Variants in ZNF292 observed in about 807,000 individuals in gnomAD.
ZNF292 encodes the protein 16 zinc-finger domain protein.
Under a neutral mutation model 217.9 loss-of-function variants are expected in ZNF292, and 26 were observed. That is an observed-to-expected ratio of 0.12 (90% CI 0.09 to 0.17). ZNF292 has a LOEUF of 0.17. Among genes scored for constraint, ZNF292 ranks in the 10% least tolerant of loss-of-function variants. ZNF292 has a pLI of 1.00. For missense variants in ZNF292, 2,904 were observed against 3,175.2 expected, an observed-to-expected ratio of 0.91 and a Z score of 2.05; for synonymous variants, 1,257 against 1,124.1, an observed-to-expected ratio of 1.12 and a Z score of -2.37.
chr6:87,160,386 A>G (rs1322559163), intron 1 of ZNF292, among the ~76,000 whole-genome samples: 1 of 152,070 alleles, frequency 6.6e-6, no homozygotes, highest in Non-Finnish European at 1.5e-5. Context: ...TGTAACTGTT[A>G]TTGACCATTG....
chr6:87,256,713 G>C lies in ZNF292; in HGVS notation c.3084G>C (p.Leu1028Phe). The change falls in exon 8 of 8, where the codon TTG (leucine) becomes TTC (phenylalanine). Residue 1028 changes from leucine (L) to phenylalanine (F), a missense_variant. Physicochemically the swap from Leu to Phe is conservative, Grantham distance 22. Coordinates refer to ENST00000369577, the MANE Select transcript of ZNF292 (RefSeq NM_015021.3). Reference protein sequence around the residue: ...PQNLERQVNNLMTFSVQNQAA... With the variant: ...PQNLERQVNNFMTFSVQNQAA... ...ACTTAGAAAGACAAGTGAACAACTT[G>C]ATGACCTTTTCTGTGCAAAATCAGG... 1.2e-6 allele frequency: 2 copies of C among 1,612,876 alleles called. No homozygotes were observed. The highest frequency in any genetic ancestry group is 1.7e-6 in the Non-Finnish European group (2 of 1,179,784).
chr6:87,216,438 T>TAA (rs929066604), intron 3 of ZNF292, 61 bp downstream of exon 3: 4 of 1,254,806 alleles, frequency 3.2e-6, no homozygotes, highest in Non-Finnish European at 4.5e-6. Flanking sequence ...TCCTTACTCT[T>TAA]AAAAAAATTA....
chr6:87,218,695 A>G lies in ZNF292; in HGVS notation c.502A>G (p.Thr168Ala). Reference sequence around the variant, plus strand: ...GGTGTGGAAAAACCCGGTACTGTGCACTATTCTTTCCCAGGAACCATTGGA... The same window carrying G: ...GGTGTGGAAAAACCCGGTACTGTGCGCTATTCTTTCCCAGGAACCATTGGA... Reference protein sequence around the residue: ...TGVWKNPVLCTILSQEPLDKD... With the variant: ...TGVWKNPVLCAILSQEPLDKD... The change falls in exon 4 of 8, where the codon ACT (threonine) becomes GCT (alanine). Residue 168 changes from threonine to alanine, a missense_variant. Physicochemically the swap from Thr to Ala is moderately conservative, Grantham distance 58. Transcript: ENST00000369577. 4 of 1,594,900 alleles carry G rather than the reference A, an allele frequency of 2.5e-6. No homozygotes were observed. The highest frequency in any genetic ancestry group is 2.3e-5 in the East Asian group (1 of 44,388).
At chr6:87,159,794 A>G (rs969938013) in intron 1 of ZNF292, among the ~76,000 whole-genome samples, 10 of 152,084 alleles carry the variant, frequency 6.6e-5, no homozygotes, top group African/African-American at 2.4e-4. Context: ...TCAGCCTTCT[A>G]AGTAGCTGAG....
At chr6:87,232,583 A>G (rs1388405816) in intron 4 of ZNF292, among the ~76,000 whole-genome samples, 4 of 152,120 alleles carry the variant, frequency 2.6e-5, no homozygotes, top group African/African-American at 9.6e-5. Flanking sequence ...TAAAAATATT[A>G]ATTCTTATTT....
chr6:87,235,050 A>G (rs920040263), intron 5 of ZNF292, among the ~76,000 whole-genome samples: 2 of 152,142 alleles, frequency 1.3e-5, no homozygotes, highest in East Asian at 1.9e-4. Flanking sequence ...CTATATCACT[A>G]TTAGTTTGGA....
At position 87,259,840 on chromosome 6, in the gene ZNF292, G is replaced by A. The variant is rs1194260529; in HGVS notation, c.6211G>A (p.Ala2071Thr). The change falls in exon 8 of 8, where the codon GCA (alanine) becomes ACA (threonine). Residue 2071 changes from alanine (A) to threonine (T), a missense_variant. Ala to Thr is a moderately conservative substitution (Grantham distance 58). This residue lies in a region of ZNF292 where 261 missense variants were observed against 272.8 expected (regional missense o/e 0.96). Coordinates refer to ENST00000369577, the MANE Select transcript of ZNF292 (RefSeq NM_015021.3). ...TVTSEQCNTN[A>T]LTNTQTKGRK... ...TACTTCAGAACAATGTAATACAAATGCACTCACAAACACACAAACCAAAGG... is the reference window on the plus strand; with the variant it reads ...TACTTCAGAACAATGTAATACAAATACACTCACAAACACACAAACCAAAGG... 2 of 1,612,700 alleles carry A rather than the reference G, an allele frequency of 1.2e-6. No individual in the cohort carries two copies. The highest frequency in any genetic ancestry group is 2.2e-5 in the East Asian group (1 of 44,840).
rs781666998 is a variant in ZNF292, at chr6:87,256,046, C to T, written c.2417C>T (p.Thr806Met). The change falls in exon 8 of 8, where the codon ACG (threonine) becomes ATG (methionine). Residue 806 changes from threonine to methionine, a missense_variant. Thr to Met is a moderately conservative substitution (Grantham distance 81). This residue lies in a region of ZNF292 where 216 missense variants were observed against 308.3 expected (regional missense o/e 0.70). Transcript: ENST00000369577. ...LYDHEAQHYN[T>M]YTCKFTGCGK... ...GATCATGAAGCACAACATTATAATA[C>T]GTACACTTGTAAGTTCACAGGTTGT... The T allele has an allele frequency of 4.3e-6, 7 of 1,609,398 alleles. No homozygotes were observed. Among genetic ancestry groups the T allele is most frequent in the African/African-American group, 4.0e-5 (3 of 74,968 alleles).
Position 87,260,698 on chromosome 6 carries a change from T to C in ZNF292, c.7069T>C (p.Tyr2357His). The C allele has an allele frequency of 1.2e-6, 2 of 1,613,234 alleles. No individual in the cohort carries two copies. Among genetic ancestry groups the C allele is most frequent in the Non-Finnish European group, 8.5e-7 (1 of 1,179,622 alleles). The change falls in exon 8 of 8, where the codon TAT (tyrosine) becomes CAT (histidine). Residue 2357 changes from tyrosine to histidine, a missense_variant. By Grantham distance (83) the Tyr-to-His change is moderately conservative. This residue lies in a region of ZNF292 where 101 missense variants were observed against 89.5 expected (regional missense o/e 1.13). Transcript: ENST00000369577. ...KIVQIEENKP[Y>H]SLKRGKHVYS... is the part of the protein sequence containing the mutation. ...TGTGCAGATTGAAGAAAATAAGCCT[T>C]ATTCTCTGAAACGTGGGAAGCATGT...
At position 87,165,584 on chromosome 6, in the gene ZNF292, AGGT is replaced by A. The variant is rs1379941809; in HGVS notation, c.168+9826_168+9828del. Among the ~76,000 whole-genome samples the A allele has an allele frequency of 4.6e-5, 7 of 152,164 alleles. No individual in the cohort carries two copies. In the East Asian group the frequency reaches 1.3e-3, roughly 29 times the overall value. On this transcript the variant is annotated intron_variant, in intron 1 of 7. Coordinates refer to ENST00000369577, the MANE Select transcript of ZNF292 (RefSeq NM_015021.3). ...GCTCTTGATTTTATAATCCACCAAT[AGGT>A]CATAACCCACAGTTTGAAAAATACT...
intron 7 of ZNF292, among the ~76,000 whole-genome samples, chr6:87,246,074 T>C (rs1199527586): frequency 6.6e-6 from 1 of 152,026 alleles, no homozygotes; most frequent in Non-Finnish European, 1.5e-5. Flanking sequence ...CTACTAAAAA[T>C]ACAAAAATTA....
At chr6:87,214,521 T>C (rs1005342823) in intron 1 of ZNF292, among the ~76,000 whole-genome samples, 1 of 152,190 alleles carries the variant, frequency 6.6e-6, no homozygotes, top group Non-Finnish European at 1.5e-5. Context: ...TGTTTTTTCC[T>C]GGATATCTGA....
At position 87,255,128 on chromosome 6, in the gene ZNF292, G is replaced by T. The variant is rs76287062; in HGVS notation, c.1499G>T (p.Gly500Val). The part of the protein sequence containing the change: ...KETSMNGLSG[G>V]VGANSGLLKD... ...ACTTCTATGAATGGGCTTTCTGGTG[G>T]AGTTGGTGCTAATTCTGGCCTTCTT... is the stretch of plus-strand genomic sequence containing the variant. Residue 500 changes from glycine (G) to valine (V), a missense_variant, in exon 8 of 8, where the codon GGA becomes GTA. Gly to Val is a moderately radical substitution (Grantham distance 109). This residue lies in a region of ZNF292 where 87 missense variants were observed against 99.6 expected (regional missense o/e 0.87). Transcript: ENST00000369577. The T allele has an allele frequency of 8.6e-4, 1,380 of 1,613,680 alleles. 8 individuals carry two copies. The African/African-American group carries it at 0.016, about 18-fold the overall frequency.
chr6:87,240,296 G>T (rs1203291388), intron 5 of ZNF292, among the ~76,000 whole-genome samples: 2 of 151,526 alleles, frequency 1.3e-5, no homozygotes, highest in Non-Finnish European at 2.9e-5. Flanking sequence ...AGCAGAGATG[G>T]TGGCAGTACA....
chr6:87,198,298 G>A (rs1286853014), intron 1 of ZNF292, among the ~76,000 whole-genome samples: 2 of 151,978 alleles, frequency 1.3e-5, no homozygotes, highest in African/African-American at 2.4e-5. Context: ...TCCGCCTCCC[G>A]GGTTCACACC....
intron 1 of ZNF292, among the ~76,000 whole-genome samples, chr6:87,191,464 T>C (rs1189750733): frequency 1.3e-5 from 2 of 152,186 alleles, no homozygotes; most frequent in Non-Finnish European, 2.9e-5. Context: ...TACCCTTATA[T>C]TAATATCAGT....
In ZNF292 at chr6:87,259,500, A is replaced by G. The variant is rs1775437672; in HGVS notation, c.5871A>G (p.Thr1957=). ...FKCVVPTCTK[T]FTRNSNLRAH... is the part of the protein sequence containing the mutation. The stretch of plus-strand genomic sequence containing the variant: ...GTGTAGTACCTACATGTACAAAAAC[A>G]TTTACAAGAAATTCTAACCTCCGGG... The change falls in exon 8 of 8, where the codon ACA becomes ACG. Residue 1957 remains threonine, a synonymous_variant. Transcript: ENST00000369577. 6.3e-7 allele frequency: 1 copy of G among 1,589,174 alleles called. No individual in the cohort carries two copies. The highest frequency in any genetic ancestry group is 2.3e-5 in the East Asian group (1 of 43,932).
intron 1 of ZNF292, among the ~76,000 whole-genome samples, chr6:87,178,896 G>T (rs535394300): frequency 3.0e-4 from 45 of 152,244 alleles, no homozygotes; most frequent in African/African-American, 1.0e-3. Context: ...CAGAATGTAA[G>T]CATTTTACCC....
chr6:87,259,669 G>C lies in ZNF292; in HGVS notation c.6040G>C (p.Glu2014Gln). Residue 2014 changes from glutamate (E) to glutamine (Q), a missense_variant, in exon 8 of 8, where the codon GAA becomes CAA. Coordinates refer to ENST00000369577, the MANE Select transcript of ZNF292 (RefSeq NM_015021.3). Reference protein sequence around the residue: ...QVKKQLAMTEENKKESQPALE... With the variant: ...QVKKQLAMTEQNKKESQPALE... Reference sequence around the variant, plus strand: ...GAAAAAACAGCTAGCTATGACAGAGGAAAATAAAAAGGAATCTCAGCCTGC... The same window carrying C: ...GAAAAAACAGCTAGCTATGACAGAGCAAAATAAAAAGGAATCTCAGCCTGC... The C allele has an allele frequency of 6.3e-7, 1 of 1,590,788 alleles. No homozygotes were observed. The highest frequency in any genetic ancestry group is 8.6e-7 in the Non-Finnish European group (1 of 1,168,226).
Sources: allele counts gnomAD v4.1 joint callset (sites outside exome capture counted in the v4.1 genomes callset), GRCh38; gene constraint gnomAD v4.1.1; regional missense constraint gnomAD v4.1.1; transcripts MANE v1.5; gene names NCBI Gene and HGNC (gene_info 2026-07-23, HGNC 2026-07-21).